KCNQ1OT1: variants seen among roughly 807,000 people sequenced by gnomAD.
KCNQ1OT1 encodes the protein KCNQ1 antisense RNA 2 (non-protein coding).
exon 1 of KCNQ1OT1, chr11:2,638,015 A>G (rs1388707965): frequency 2.6e-5 from 4 of 151,096 alleles, no homozygotes; most frequent in Non-Finnish European, 4.4e-5. Context: ...GCCTTTTTTT[A>G]TTTTCCATTT....
exon 1 of KCNQ1OT1, chr11:2,696,676 G>C (rs1387419993): frequency 2.5e-6 from 1 of 398,588 alleles, no homozygotes. Flanking sequence ...ATGCCAAGTT[G>C]CCCTGTTCAA....
chr11:2,611,536 C>A lies in KCNQ1OT1; in HGVS notation n.88459G>T. 5.0e-6 allele frequency: 2 copies of A among 398,402 alleles called. No individual in the cohort carries two copies. Among genetic ancestry groups the A allele is most frequent in the South Asian group, 2.6e-4 (2 of 7,686 alleles). The allele number at this position is 398,402 out of a possible 1,614,324, so 24.7% of individuals were successfully genotyped here. A position where few individuals can be genotyped will look rare whatever the true frequency, so the allele number is the denominator to read the frequency against. On this transcript the variant is annotated non_coding_transcript_exon_variant, in exon 1 of 1. Transcript: ENST00000597346. The surrounding 1 kb of genome is among the most constrained non-coding windows in gnomAD (Gnocchi z 5.3). ...CAATTTTGTCTGATTTTAGTACAGT[C>A]ACTCTAGCTTTCTTATTACTGTTTG...
At position 2,664,606 on chromosome 11, in the gene KCNQ1OT1, A is replaced by G. The variant is rs1356209373; in HGVS notation, n.35389T>C. ...GGCTGCATTCCTCCACCTCCTGCACAGCCCGCCCAGTGATGCCCATAATTA... is the reference window on the plus strand; with the variant it reads ...GGCTGCATTCCTCCACCTCCTGCACGGCCCGCCCAGTGATGCCCATAATTA... On this transcript the variant is annotated non_coding_transcript_exon_variant, in exon 1 of 1. Coordinates refer to ENST00000597346, the Ensembl canonical transcript of KCNQ1OT1. This position sits in a 1 kb window ranked among gnomAD's most constrained non-coding sequence, Gnocchi z 5.1. 4 of 398,588 alleles carry G rather than the reference A, an allele frequency of 1.0e-5. No homozygotes were observed. The highest frequency in any genetic ancestry group is 1.8e-5 in the Non-Finnish European group (4 of 226,168). The allele number at this position is 398,588 out of a possible 1,614,324, so 24.7% of individuals were successfully genotyped here.
At chr11:2,665,623 T>C (rs925013740) in exon 1 of KCNQ1OT1, 2 of 397,506 alleles carry the variant, frequency 5.0e-6, no homozygotes, top group Non-Finnish European at 8.9e-6. Context: ...GCTGTACGGC[T>C]GTGTCCTCCT....
Position 2,651,434 on chromosome 11 carries a change from C to T in KCNQ1OT1, n.48561G>A. 2.5e-6 allele frequency: 1 copy of T among 398,686 alleles called. No individual in the cohort carries two copies. The highest frequency in any genetic ancestry group is 4.4e-6 in the Non-Finnish European group (1 of 226,124). The allele number at this position is 398,686 out of a possible 1,614,324, so 24.7% of individuals were successfully genotyped here. A position where few individuals can be genotyped will look rare whatever the true frequency, so the allele number is the denominator to read the frequency against. On this transcript the variant is annotated non_coding_transcript_exon_variant, in exon 1 of 1. Transcript: ENST00000597346. The surrounding 1 kb of genome is among the most constrained non-coding windows in gnomAD (Gnocchi z 6.1). ...TTGGCCTGCCCTGTGTGCAGCTCAGCAAGTGCCTGAAGTCAGAGGTAGTGC... is the reference window on the plus strand; with the variant it reads ...TTGGCCTGCCCTGTGTGCAGCTCAGTAAGTGCCTGAAGTCAGAGGTAGTGC...
exon 1 of KCNQ1OT1, chr11:2,630,654 C>T (rs941872312): frequency 1.8e-5 from 7 of 397,960 alleles, no homozygotes; most frequent in Admixed American, 4.4e-5. Flanking sequence ...TTAAGTTGCC[C>T]GTATATTTAT....
At position 2,678,615 on chromosome 11, in the gene KCNQ1OT1, A is replaced by C; in HGVS notation, n.21380T>G. ...TGTAGCAGGACTCCCCCTCATCTCC[A>C]TTACTTAAGAGCCAATAATGGGAAG... On this transcript the variant is annotated non_coding_transcript_exon_variant, in exon 1 of 1. Transcript: ENST00000597346. This position sits in a 1 kb window ranked among gnomAD's most constrained non-coding sequence, Gnocchi z 4.9. 2.5e-6 allele frequency: 1 copy of C among 398,450 alleles called. No individual in the cohort carries two copies. The highest frequency in any genetic ancestry group is 4.4e-6 in the Non-Finnish European group (1 of 226,060). 24.7% of individuals were successfully genotyped at this position (398,450 alleles called of 1,614,324 possible).
exon 1 of KCNQ1OT1, chr11:2,650,532 A>T (rs115222467): frequency 5.0e-6 from 2 of 398,676 alleles, no homozygotes; most frequent in East Asian, 3.6e-5. Context: ...CATCAGTGGT[A>T]TCTGCAAGTT....
chr11:2,693,798 G>A (rs944917222), exon 1 of KCNQ1OT1: 4 of 398,674 alleles, frequency 1.0e-5, no homozygotes, highest in Admixed American at 4.4e-5. Context: ...GAGGAGCATG[G>A]CACAGGCTGA....
chr11:2,629,151 G>C lies in KCNQ1OT1; in HGVS notation n.70844C>G, dbSNP rs565154610. 13 of 398,054 alleles carry C rather than the reference G, an allele frequency of 3.3e-5. No homozygotes were observed. In the South Asian group the frequency reaches 1.7e-3, roughly 51 times the overall value. The allele number at this position is 398,054 out of a possible 1,614,324, so 24.7% of individuals were successfully genotyped here. ...AAAAAAGTCACTGGAAATTTGATAG[G>C]CATTGCCTTGAATCTGTAGATCACT... On this transcript the variant is annotated non_coding_transcript_exon_variant, in exon 1 of 1. Coordinates refer to ENST00000597346, the Ensembl canonical transcript of KCNQ1OT1.
Position 2,645,846 on chromosome 11 carries a change from G to C in KCNQ1OT1, n.54149C>G. The C allele has an allele frequency of 5.0e-6, 2 of 398,634 alleles. No individual in the cohort carries two copies. The highest frequency in any genetic ancestry group is 8.8e-6 in the Non-Finnish European group (2 of 226,124). The allele number at this position is 398,634 out of a possible 1,614,324, so 24.7% of individuals were successfully genotyped here. A position where few individuals can be genotyped will look rare whatever the true frequency, so the allele number is the denominator to read the frequency against. Reference sequence around the variant, plus strand: ...TCCTGAAGTTGCCTGAGGATTCAGGGGATGTGTGAATTGCCTGAGGATTCA... The same window carrying C: ...TCCTGAAGTTGCCTGAGGATTCAGGCGATGTGTGAATTGCCTGAGGATTCA... On this transcript the variant is annotated non_coding_transcript_exon_variant, in exon 1 of 1. Transcript: ENST00000597346. This position sits in a 1 kb window ranked among gnomAD's most constrained non-coding sequence, Gnocchi z 5.8.
exon 1 of KCNQ1OT1, chr11:2,622,257 A>G (rs1345990542): frequency 7.5e-6 from 3 of 398,238 alleles, no homozygotes; most frequent in South Asian, 1.3e-4. Context: ...TACGTTTCCA[A>G]TTGCGAAGTC....
exon 1 of KCNQ1OT1, chr11:2,648,447 C>A (rs1200771227): frequency 5.0e-6 from 2 of 398,226 alleles, no homozygotes; most frequent in Non-Finnish European, 8.8e-6. Flanking sequence ...TTGTTGTACC[C>A]TATACATTTT....
At chr11:2,619,673 G>A (rs894237177) in exon 1 of KCNQ1OT1, 10 of 396,860 alleles carry the variant, frequency 2.5e-5, no homozygotes, top group African/African-American at 2.1e-4. Context: ...GGTGATGCTG[G>A]CCTCATAAAA....
At position 2,671,349 on chromosome 11, in the gene KCNQ1OT1, C is replaced by T. The variant is rs1850180855; in HGVS notation, n.28646G>A. The T allele has an allele frequency of 2.5e-6, 1 of 398,534 alleles. No homozygotes were observed. Among genetic ancestry groups the T allele is most frequent in the Non-Finnish European group, 4.4e-6 (1 of 226,054 alleles). The allele number at this position is 398,534 out of a possible 1,614,324, so 24.7% of individuals were successfully genotyped here. A position where few individuals can be genotyped will look rare whatever the true frequency, so the allele number is the denominator to read the frequency against. ...CCTCAGAGGCTCCCTCTGAAGATGACACTGGGAATATCCTGAAAAAGGTAC... is the reference window on the plus strand; with the variant it reads ...CCTCAGAGGCTCCCTCTGAAGATGATACTGGGAATATCCTGAAAAAGGTAC... On this transcript the variant is annotated non_coding_transcript_exon_variant, in exon 1 of 1. Coordinates refer to ENST00000597346, the Ensembl canonical transcript of KCNQ1OT1. This position sits in a 1 kb window ranked among gnomAD's most constrained non-coding sequence, Gnocchi z 4.7.
exon 1 of KCNQ1OT1, chr11:2,665,595 C>T (rs1045903779): frequency 5.0e-6 from 2 of 396,634 alleles, no homozygotes; most frequent in Non-Finnish European, 4.4e-6. Context: ...CTCAGTAAAC[C>T]CCCCAGGACA....
exon 1 of KCNQ1OT1, chr11:2,688,786 T>A (rs1850536504): frequency 2.5e-6 from 1 of 398,760 alleles, no homozygotes; most frequent in Non-Finnish European, 4.4e-6. Context: ...CCTATATACT[T>A]GCCCTCCCCC....
Position 2,679,911 on chromosome 11 carries a change from T to G in KCNQ1OT1, n.20084A>C, listed in dbSNP as rs2133879050. On this transcript the variant is annotated non_coding_transcript_exon_variant, in exon 1 of 1. Transcript: ENST00000597346. This position sits in a 1 kb window ranked among gnomAD's most constrained non-coding sequence, Gnocchi z 4.8. Reference sequence around the variant, plus strand: ...ATTTTTTTTTTATTTTTATTTTTTTTGAGGCAGAGTCTCACTTTGTCACCT... The same window carrying G: ...ATTTTTTTTTTATTTTTATTTTTTTGGAGGCAGAGTCTCACTTTGTCACCT... 1 of 397,922 alleles carries G rather than the reference T, an allele frequency of 2.5e-6. No individual in the cohort carries two copies. Among genetic ancestry groups the G allele is most frequent in the African/African-American group, 2.1e-5 (1 of 48,700 alleles). 24.6% of individuals were successfully genotyped at this position (397,922 alleles called of 1,614,324 possible). A position where few individuals can be genotyped will look rare whatever the true frequency, so the allele number is the denominator to read the frequency against.
exon 1 of KCNQ1OT1, chr11:2,609,685 C>T (rs1848946119): frequency 2.5e-6 from 1 of 398,176 alleles, no homozygotes; most frequent in South Asian, 1.3e-4. Context: ...GTTTTTGCTT[C>T]TTATGTTTTA....
Sources: gnomAD v4.1 joint callset for allele counts on GRCh38, gnomAD v4.1.1 for gene constraint, Gnocchi (gnomAD v3.1) non-coding constraint, MANE v1.5 for transcripts, NCBI Gene and HGNC (gene_info 2026-07-23, HGNC 2026-07-21) for gene names.